The following FLRT1 variants were observed in gnomAD, a reference collection of about 807,000 sequenced individuals.
FLRT1 encodes leucine-rich repeat transmembrane protein FLRT1.
In FLRT1, 14 loss-of-function variants were observed where a neutral mutation model predicts 30.9. The ratio of observed to expected loss-of-function variants is 0.45; its 90% confidence interval spans 0.30 to 0.71. The LOEUF is 0.71. Among genes scored for constraint, FLRT1 ranks in the 30% least tolerant of loss-of-function variants. The pLI is 0.08. For missense variants in FLRT1, 737 were observed against 949.2 expected (o/e 0.78, Z 2.94); for synonymous variants, 368 against 430.4 (o/e 0.85, Z 1.80).
chr11:64,045,239 C>T (rs1408320933), intron 1 of FLRT1, among the ~76,000 whole-genome samples: 5 of 152,160 alleles, frequency 3.3e-5, no homozygotes, highest in East Asian at 3.9e-4. Flanking sequence ...GGGTGGTGGG[C>T]GAAGGGGCCC....
chr11:64,072,434 A>AT (rs1555017750), intron 1 of FLRT1, among the ~76,000 whole-genome samples: 15 of 152,148 alleles, frequency 9.9e-5, no homozygotes, highest in African/African-American at 2.7e-4. Context: ...AAAAAAAAAA[A>AT]AATAATAATT....
At chr11:64,047,543 T>C (rs574225171) in intron 1 of FLRT1, among the ~76,000 whole-genome samples, 2 of 152,228 alleles carry the variant, frequency 1.3e-5, no homozygotes, top group East Asian at 3.9e-4. Flanking sequence ...CATTTAATCT[T>C]TACAGTGGCC....
intron 1 of FLRT1, among the ~76,000 whole-genome samples, chr11:64,046,328 C>T (rs1351049173): frequency 6.6e-6 from 1 of 152,192 alleles, no homozygotes; most frequent in East Asian, 1.9e-4. Flanking sequence ...TGGTGGGGCA[C>T]AGATGAGGAA....
At chr11:64,045,907 C>T (rs953700562) in intron 1 of FLRT1, among the ~76,000 whole-genome samples, 3 of 152,104 alleles carry the variant, frequency 2.0e-5, no homozygotes, top group Admixed American at 6.5e-5. Flanking sequence ...GGCAACATAG[C>T]GAGACCCCAT....
At chr11:64,047,823 G>A (rs1391823451) in intron 1 of FLRT1, among the ~76,000 whole-genome samples, 1 of 151,812 alleles carries the variant, frequency 6.6e-6, no homozygotes, top group Non-Finnish European at 1.5e-5. Context: ...CTTGAACCTG[G>A]GAGGTAGAGG....
intron 1 of FLRT1, among the ~76,000 whole-genome samples, chr11:64,097,797 A>G (rs367701484): frequency 4.9e-4 from 75 of 152,294 alleles, no homozygotes; most frequent in Admixed American, 2.4e-3. Context: ...CACAGCCTCC[A>G]GAGGCCTTCC....
intron 1 of FLRT1, among the ~76,000 whole-genome samples, chr11:64,063,433 G>A (rs1943940511): frequency 6.6e-6 from 1 of 152,084 alleles, no homozygotes; most frequent in African/African-American, 2.4e-5. Flanking sequence ...GAGAGGAGGA[G>A]GACTTCCAGG....
intron 1 of FLRT1, among the ~76,000 whole-genome samples, chr11:64,091,607 T>G (rs1426419083): frequency 6.6e-6 from 1 of 152,050 alleles, no homozygotes; most frequent in Non-Finnish European, 1.5e-5. Context: ...TGCCACAGCC[T>G]AGGACGTTGC....
At chr11:64,074,530 G>A (rs1453788964) in intron 1 of FLRT1, among the ~76,000 whole-genome samples, 2 of 152,232 alleles carry the variant, frequency 1.3e-5, no homozygotes, top group Non-Finnish European at 2.9e-5. Flanking sequence ...CTAAGGTCAC[G>A]CAGCAAATAA....
intron 2 of FLRT1, among the ~76,000 whole-genome samples, chr11:64,114,432 AATGGATGGATGG>A (rs141357642): frequency 8.9e-6 from 1 of 112,222 alleles, no homozygotes; most frequent in African/African-American, 3.0e-5. Context: ...GGGATGGTTG[AATGGATGGATGG>A]ATGGATGAAT....
Position 64,117,421 on chromosome 11 carries a change from G to C in FLRT1, c.1154G>C (p.Gly385Ala). 1 of 1,612,394 alleles carries C rather than the reference G, an allele frequency of 6.2e-7. No individual in the cohort carries two copies. Among genetic ancestry groups the C allele is most frequent in the Non-Finnish European group, 8.5e-7 (1 of 1,178,730 alleles). ...GAGTGTTTTGAGACGGGGCCGCAGG[G>C]CGGCGTGGCCAATGCGGCTGCCAAG... is the stretch of plus-strand genomic sequence containing the variant. Reference protein sequence around the residue: ...MDECFETGPQGGVANAAAKTT... With the variant: ...MDECFETGPQAGVANAAAKTT... The change falls in exon 3 of 3, where the codon GGC becomes GCC. Residue 385 changes from glycine to alanine, a missense_variant. Physicochemically the swap from Gly to Ala is moderately conservative, Grantham distance 60. Coordinates refer to ENST00000682287, the MANE Select transcript of FLRT1 (RefSeq NM_013280.5).
In FLRT1 at chr11:64,116,754, G is replaced by T. The variant is rs776450353; in HGVS notation, c.487G>T (p.Val163Leu). The change falls in exon 3 of 3, where the codon GTG (valine) becomes TTG (leucine). Residue 163 changes from valine to leucine, a missense_variant. Transcript: ENST00000682287. ...GAAGCTGCACCTGGATGACAACTCC[G>T]TGTCCACCGTCAGCATTGAGGAGGA... ...LEKLHLDDNS[V>L]STVSIEEDAF... 24 of 1,613,438 alleles carry T rather than the reference G, an allele frequency of 1.5e-5. No homozygotes were observed. Among genetic ancestry groups the T allele is most frequent in the Non-Finnish European group, 1.9e-5 (23 of 1,180,028 alleles).
At chr11:64,075,981 GTCT>G (rs1944193629) in intron 1 of FLRT1, among the ~76,000 whole-genome samples, 1 of 152,226 alleles carries the variant, frequency 6.6e-6, no homozygotes, top group African/African-American at 2.4e-5. Flanking sequence ...GCCTGGCCCT[GTCT>G]TCTTGGCATG....
intron 1 of FLRT1, among the ~76,000 whole-genome samples, chr11:64,093,297 G>A (rs1320804252): frequency 6.6e-6 from 1 of 152,140 alleles, no homozygotes; most frequent in African/African-American, 2.4e-5. Flanking sequence ...GAACTCGATC[G>A]AGTCAGCTGC....
chr11:64,115,672 C>G (rs1211290585), intron 2 of FLRT1, among the ~76,000 whole-genome samples: 1 of 152,218 alleles, frequency 6.6e-6, no homozygotes, highest in South Asian at 2.1e-4. Flanking sequence ...GCGACGCCCC[C>G]CTTTTGAGCT....
At chr11:64,100,337 G>A (rs907059487) in intron 1 of FLRT1, among the ~76,000 whole-genome samples, 16 of 152,172 alleles carry the variant, frequency 1.1e-4, no homozygotes, top group African/African-American at 3.6e-4. Context: ...TGATGTGATT[G>A]ACGACAACAA....
rs1228225094 is a variant in FLRT1 at position 64,118,412 on chromosome 11, TC to T, written c.*122del. 3 of 1,282,316 alleles carry T rather than the reference TC, an allele frequency of 2.3e-6. No individual in the cohort carries two copies. The African/African-American group carries it at 4.4e-5, about 19-fold the overall frequency. 79.4% of individuals were successfully genotyped at this position (1,282,316 alleles called of 1,614,324 possible). ...AGAGAAATTCCATGGGTGACTTTCCTCCGCAGAAAGCAAAGTTTGGGGAGGG... is the reference window on the plus strand; with the variant it reads ...AGAGAAATTCCATGGGTGACTTTCCTCGCAGAAAGCAAAGTTTGGGGAGGG... On this transcript the variant is annotated 3_prime_UTR_variant, in exon 3 of 3. Transcript: ENST00000682287.
rs181889549 is a variant in FLRT1, at chr11:64,065,709, G to C, written c.-1038+29550G>C. Among the ~76,000 whole-genome samples, 761 of 150,324 alleles carry C rather than the reference G, an allele frequency of 5.1e-3. 9 individuals carry two copies. Among genetic ancestry groups the C allele is most frequent in the African/African-American group, 0.018 (734 of 40,730 alleles). On this transcript the variant is annotated intron_variant, in intron 1 of 2. Transcript: ENST00000682287. ...GGAGGCTGAGGCAGGAGAACGGTGTGAACCCGGGAGGCGGAGCTTGCAGTG... is the reference window on the plus strand; with the variant it reads ...GGAGGCTGAGGCAGGAGAACGGTGTCAACCCGGGAGGCGGAGCTTGCAGTG...
In FLRT1 at chr11:64,082,565, G is replaced by A. The variant is rs1029424294; in HGVS notation, c.-1037-20629G>A. On this transcript the variant is annotated intron_variant, in intron 1 of 2. Transcript: ENST00000682287. The surrounding 1 kb of genome is among the most constrained non-coding windows in gnomAD (Gnocchi z 4.5). ...GGAGTCAGAGCTCCAGGCGGAAGTA[G>A]GGTTCAGATTCAGGTGAAGCTTAGG... Among the ~76,000 whole-genome samples the A allele has an allele frequency of 1.1e-4, 17 of 152,102 alleles. No individual in the cohort carries two copies. The highest frequency in any genetic ancestry group is 1.1e-3 in the Admixed American group (17 of 15,280).
Sources: allele counts gnomAD v4.1 joint callset (sites outside exome capture counted in the v4.1 genomes callset), GRCh38; gene constraint gnomAD v4.1.1; non-coding constraint Gnocchi (gnomAD v3.1); transcripts MANE v1.5; gene names NCBI Gene and HGNC (gene_info 2026-07-23, HGNC 2026-07-21).